Variants in LHPP observed in about 807,000 individuals in gnomAD.
LHPP encodes phospholysine phosphohistidine inorganic pyrophosphate phosphatase.
A neutral mutation model predicts 30.3 loss-of-function variants in LHPP; 24 were observed. That is an observed-to-expected ratio of 0.79 (90% CI 0.57 to 1.11). The LOEUF (loss-of-function observed/expected upper bound fraction) is 1.11, where lower values mean the gene tolerates loss of function less well. LHPP is among the 50% of genes most tolerant of loss of function. LHPP has a pLI of 0.00. For synonymous variants in LHPP, 150 were observed against 157.1 expected (o/e 0.95, Z 0.34); for missense variants, 356 against 367.2 (o/e 0.97, Z 0.25).
At chr10:124,575,745 G>C (rs1227851014) in intron 6 of LHPP, among the ~76,000 whole-genome samples, 3 of 152,144 alleles carry the variant, frequency 2.0e-5, no homozygotes, top group African/African-American at 7.2e-5. Flanking sequence ...GCGTCACGTG[G>C]TCGGATCTGT....
chr10:124,534,260 G>A (rs1356838100), intron 6 of LHPP, among the ~76,000 whole-genome samples: 4 of 152,256 alleles, frequency 2.6e-5, no homozygotes, highest in Admixed American at 6.5e-5. Flanking sequence ...TCTTTCCTCC[G>A]GTGCTGGGGA....
In LHPP at chr10:124,592,268, C is replaced by T. The variant is rs555664613; in HGVS notation, c.717-20996C>T. 7.2e-5 allele frequency among the ~76,000 whole-genome samples: 11 copies of T among 152,192 alleles called. No individual in the cohort carries two copies. The East Asian group carries it at 7.7e-4, about 11-fold the overall frequency. ...AAGGCAAAACCTGGCAGATGGCACC[C>T]GGGCCTGATGGCTCCTCAACCCTCT... On this transcript the variant is annotated intron_variant, in intron 6 of 6. Transcript: ENST00000368842. The surrounding 1 kb of genome is among the most constrained non-coding windows in gnomAD (Gnocchi z 6.2).
At chr10:124,506,263 A>ACCCCCCCCCCCCCCCCCCCCCCC (rs539116106) in intron 5 of LHPP, among the ~76,000 whole-genome samples, 4 of 86,332 alleles carry the variant, frequency 4.6e-5, no homozygotes, top group Non-Finnish European at 6.9e-5. Context: ...AAAACAACAA[A>ACCCCCCCCCCCCCCCCCCCCCCC]CCCCCCCCCC....
rs77147630 is a variant in LHPP, at chr10:124,498,262, C to T, written c.624+134C>T. ...GCCAAGCGTGGGCTCCCTGTGAAAG[C>T]TGACCTGGCTGGGAAGGAGGGGGAA... On this transcript the variant is annotated intron_variant, in intron 5 of 6. Transcript: ENST00000368842. 7.1e-4 allele frequency: 1,087 copies of T among 1,536,980 alleles called. 7 individuals are homozygous for T. In the African/African-American group the frequency reaches 0.014, roughly 19 times the overall value.
intron 6 of LHPP, among the ~76,000 whole-genome samples, chr10:124,597,472 C>T (rs796469695): frequency 1.3e-5 from 2 of 152,366 alleles, no homozygotes; most frequent in African/African-American, 4.8e-5. Flanking sequence ...GATCCCCCAG[C>T]CCAGCACTCG....
chr10:124,466,785 A>C (rs996741314), intron 1 of LHPP, among the ~76,000 whole-genome samples: 1 of 152,046 alleles, frequency 6.6e-6, no homozygotes, highest in Non-Finnish European at 1.5e-5. Context: ...TTTTTAAACT[A>C]TGTGAATGTG....
intron 1 of LHPP, among the ~76,000 whole-genome samples, chr10:124,481,481 A>G (rs576224150): frequency 6.8e-6 from 1 of 146,848 alleles, no homozygotes; most frequent in African/African-American, 2.6e-5. Flanking sequence ...GGTTCAAGAG[A>G]TTCTTCTACC....
intron 3 of LHPP, among the ~76,000 whole-genome samples, chr10:124,493,042 A>G (rs992537245): frequency 2.0e-5 from 3 of 152,132 alleles, no homozygotes; most frequent in Non-Finnish European, 2.9e-5. Flanking sequence ...AAAAGAAAAA[A>G]AGTTGTCTCA....
intron 6 of LHPP, among the ~76,000 whole-genome samples, chr10:124,536,168 G>C (rs896169647): frequency 2.6e-5 from 4 of 152,274 alleles, no homozygotes; most frequent in African/African-American, 9.6e-5. Context: ...TGTGCGTGCA[G>C]ACTGGCCCTG....
At chr10:124,613,218 G>A (rs761422166) in intron 6 of LHPP, 46 bp from the exon 7 acceptor site, 2 of 1,399,076 alleles carry the variant, frequency 1.4e-6, no homozygotes, top group South Asian at 1.2e-5. Flanking sequence ...TGGCTGCAGA[G>A]GGGTCAGCGT....
intron 6 of LHPP, among the ~76,000 whole-genome samples, chr10:124,582,899 A>G (rs1004011673): frequency 6.6e-6 from 1 of 152,104 alleles, no homozygotes; most frequent in Admixed American, 6.5e-5. Flanking sequence ...GAAGTGAATC[A>G]TCATGAAGGT....
At position 124,568,426 on chromosome 10, in the gene LHPP, A is replaced by G. The variant is rs897517221; in HGVS notation, c.717-44838A>G. Among the ~76,000 whole-genome samples, 7 of 152,140 alleles carry G rather than the reference A, an allele frequency of 4.6e-5. No individual in the cohort carries two copies. In the East Asian group the frequency reaches 1.2e-3, roughly 25 times the overall value. ...ATTCCCCGGCCTCTGCCCCCGGGAC[A>G]GTTTTGTTCGCTCCTTTGCTTTATG... On this transcript the variant is annotated intron_variant, in intron 6 of 6. Coordinates refer to ENST00000368842, the MANE Select transcript of LHPP (RefSeq NM_022126.4).
intron 6 of LHPP, among the ~76,000 whole-genome samples, chr10:124,601,665 C>G (rs1278569109): frequency 6.6e-6 from 1 of 152,254 alleles, no homozygotes; most frequent in African/African-American, 2.4e-5. Context: ...TTCTGGTTGA[C>G]AGAGTGCCAC....
chr10:124,568,481 C>G (rs1281107066), intron 6 of LHPP, among the ~76,000 whole-genome samples: 1 of 152,198 alleles, frequency 6.6e-6, no homozygotes, highest in Non-Finnish European at 1.5e-5. Flanking sequence ...AGGCCCCTTT[C>G]GAGTCTGGCT....
chr10:124,599,283 C>T (rs1948992587), intron 6 of LHPP, among the ~76,000 whole-genome samples: 1 of 152,190 alleles, frequency 6.6e-6, no homozygotes, highest in Non-Finnish European at 1.5e-5. Context: ...CATTCCCATC[C>T]ATCTATCCAC....
chr10:124,537,189 C>T (rs771388205), intron 6 of LHPP, among the ~76,000 whole-genome samples: 4 of 152,332 alleles, frequency 2.6e-5, no homozygotes, highest in Admixed American at 2.0e-4. Context: ...ACCCCAGCAC[C>T]GCTGCTGGCG....
chr10:124,524,216 C>T (rs1011188391), intron 6 of LHPP, among the ~76,000 whole-genome samples: 2 of 152,052 alleles, frequency 1.3e-5, no homozygotes, highest in Admixed American at 6.5e-5. Flanking sequence ...CCCCACATTC[C>T]ACCCAGCCCC....
intron 6 of LHPP, among the ~76,000 whole-genome samples, chr10:124,595,400 T>C (rs4962666): frequency 0.087 from 13,311 of 152,318 alleles, 679 homozygotes; most frequent in Admixed American, 0.14. Flanking sequence ...GCCAGGAGTC[T>C]GCTCGTGTGG....
chr10:124,499,791 C>T (rs932039922), intron 5 of LHPP, among the ~76,000 whole-genome samples: 1 of 151,992 alleles, frequency 6.6e-6, no homozygotes, highest in Admixed American at 6.5e-5. Context: ...GTGTGCATTT[C>T]GGTCCAGAAC....
Sources: allele counts gnomAD v4.1 joint callset (sites outside exome capture counted in the v4.1 genomes callset), GRCh38; gene constraint gnomAD v4.1.1; non-coding constraint Gnocchi (gnomAD v3.1); transcripts MANE v1.5; gene names NCBI Gene and HGNC (gene_info 2026-07-23, HGNC 2026-07-21).